The following PTOV1 variants were observed in gnomAD, a reference collection of about 807,000 sequenced individuals.
PTOV1 encodes PTOV1 extended AT-hook containing adaptor protein.
In PTOV1, 20 loss-of-function variants were observed where a neutral mutation model predicts 58.0. The observed-to-expected ratio is 0.34, with a 90% CI of 0.24 to 0.50. The LOEUF is 0.50. Among genes scored for constraint, PTOV1 ranks in the 20% least tolerant of loss-of-function variants. The probability of loss-of-function intolerance (pLI) is 0.98; values close to 1 mark genes in which losing one functional copy is unlikely to be tolerated. For synonymous variants in PTOV1, 335 were observed against 234.2 expected, an observed-to-expected ratio of 1.43 and a Z score of -3.93; for missense variants, 593 against 565.4, an observed-to-expected ratio of 1.05 and a Z score of -0.50.
chr19:49,851,853 C>A, intron 1 of PTOV1: 1 of 990,194 alleles, frequency 1.0e-6, no homozygotes, highest in Non-Finnish European at 1.2e-6. Flanking sequence ...GGGCAGGAAA[C>A]CTGGAAATGG....
chr19:49,851,041 GACCGCCGAGCCC>G (rs2074219233), upstream of PTOV1: 1 of 1,516,032 alleles, frequency 6.6e-7, no homozygotes, highest in Admixed American at 2.0e-5. Context: ...AGGCCCGCAG[GACCGCCGAGCCC>G]ACACTCCGCT....
At chr19:49,860,349 C>T in exon 12 of PTOV1, 2 of 1,565,964 alleles carry the variant, frequency 1.3e-6, no homozygotes, top group Non-Finnish European at 1.7e-6. Flanking sequence ...GAGTGGTGAC[C>T]CTGTCATGTA....
chr19:49,853,286 C>CG (rs1491290156), intron 1 of PTOV1: 1 of 152,206 alleles, frequency 6.6e-6, no homozygotes, highest in Admixed American at 6.5e-5. Context: ...TACGGGGAAA[C>CG]TCTCGTGGGT....
At chr19:49,854,246 G>T (rs2074366663) in intron 1 of PTOV1, among the ~76,000 whole-genome samples, 160 bp from the exon 2 acceptor site, 1 of 152,154 alleles carries the variant, frequency 6.6e-6, no homozygotes, top group Admixed American at 6.5e-5. Context: ...AGCGTGTGGG[G>T]GTCCTGAGGG....
chr19:49,855,906 G>A (rs571953936), intron 5 of PTOV1, among the ~76,000 whole-genome samples: 1 of 152,242 alleles, frequency 6.6e-6, no homozygotes, highest in East Asian at 1.9e-4. Flanking sequence ...TCAGAAAGGG[G>A]GCTTGGGCTG....
At position 49,854,726 on chromosome 19, in the gene PTOV1, C is replaced by T. The variant is rs149977568; in HGVS notation, c.384C>T (p.Gly128=). The T allele has an allele frequency of 1.9e-6, 3 of 1,613,500 alleles. No homozygotes were observed. Among genetic ancestry groups the T allele is most frequent in the Non-Finnish European group, 2.5e-6 (3 of 1,179,960 alleles). ...CCTGCCAAGCCTACGTGAACCAAGGCGAGAACCTGTGAGTGCCGGGGCGTG... is the reference window on the plus strand; with the variant it reads ...CCTGCCAAGCCTACGTGAACCAAGGTGAGAACCTGTGAGTGCCGGGGCGTG... Residue 128 remains glycine (G), a synonymous_variant, in exon 3 of 12, where the codon GGC becomes GGT. Coordinates refer to ENST00000391842, the Ensembl canonical transcript of PTOV1.
chr19:49,857,053 A>G (rs748869823), exon 6 of PTOV1: 3 of 1,613,936 alleles, frequency 1.9e-6, no homozygotes, highest in African/African-American at 1.3e-5. Context: ...CAAGAAGAAG[A>G]TCTTCATGGG....
intron 7 of PTOV1, 27 bp downstream of exon 7, chr19:49,857,809 G>C (rs1415977706): frequency 6.2e-7 from 1 of 1,613,480 alleles, no homozygotes; most frequent in Admixed American, 1.7e-5. Context: ...CCAGGGACTT[G>C]GGACCCCCAG....
Position 49,858,117 on chromosome 19 carries a change from G to A in PTOV1, c.936+3G>A, listed in dbSNP as rs772817837. On this transcript the variant is annotated splice_donor_region_variant and intron_variant, in intron 9 of 11. Transcript: ENST00000391842. Reference sequence around the variant, plus strand: ...AGCTCATCCCGCAGCAGCTGCTGGTGAGGGGCTGGGGCCGGGTGCTGGAGC... The same window carrying A: ...AGCTCATCCCGCAGCAGCTGCTGGTAAGGGGCTGGGGCCGGGTGCTGGAGC... 2 of 1,613,056 alleles carry A rather than the reference G, an allele frequency of 1.2e-6. No homozygotes were observed. The highest frequency in any genetic ancestry group is 1.1e-5 in the South Asian group (1 of 91,052).
At chr19:49,853,328 C>T (rs1041437889) in intron 1 of PTOV1, 9 of 152,082 alleles carry the variant, frequency 5.9e-5, no homozygotes, top group African/African-American at 2.2e-4. Context: ...CGGAGCTTTC[C>T]CTTGTTTGCT....
At chr19:49,860,631 AG>A (rs1278441819) in exon 12 of PTOV1, 2 of 460,102 alleles carry the variant, frequency 4.3e-6, no homozygotes, top group African/African-American at 3.9e-5. Flanking sequence ...GCTTCTGAGC[AG>A]GGGCCCCTGG....
chr19:49,860,466 C>A, exon 12 of PTOV1: 1 of 918,520 alleles, frequency 1.1e-6, no homozygotes, highest in Non-Finnish European at 1.6e-6. Context: ...TCCCAGCGGT[C>A]CTAGGCTGTC....
chr19:49,852,097 C>T (rs1032855307), intron 1 of PTOV1: 2 of 982,338 alleles, frequency 2.0e-6, no homozygotes, highest in Middle Eastern at 5.2e-4. Flanking sequence ...CTTCTCCGGA[C>T]CCAAAAGATG....
chr19:49,855,112 G>A (rs2074406216), intron 5 of PTOV1, 35 bp downstream of exon 5: 1 of 1,529,388 alleles, frequency 6.5e-7, no homozygotes, highest in African/African-American at 1.4e-5. Context: ...GCACTGTGGT[G>A]ACAAGTACAG....
chr19:49,852,250 G>A, intron 1 of PTOV1: 1 of 207,268 alleles, frequency 4.8e-6, no homozygotes, highest in African/African-American at 2.4e-5. Flanking sequence ...CTGCCTCAGC[G>A]GTGTGGATGG....
Position 49,853,517 on chromosome 19 carries a change from T to C in PTOV1, c.172-889T>C, listed in dbSNP as rs759683093. On this transcript the variant is annotated intron_variant, in intron 1 of 11. Coordinates refer to ENST00000391842, the Ensembl canonical transcript of PTOV1. ...CTAAAAAAAAAAAAAAAAAAAAAAT[T>C]AGCCGGGCATGATGGCGCGGCTTGC... 5.5e-5 allele frequency among the ~76,000 whole-genome samples: 8 copies of C among 144,560 alleles called. No homozygotes were observed. The East Asian group carries it at 8.1e-4, about 15-fold the overall frequency. 94.8% of individuals were successfully genotyped at this position (144,560 alleles called of 152,430 possible).
At chr19:49,855,172 C>A in intron 5 of PTOV1, 95 bp downstream of exon 5, 1 of 1,248,650 alleles carries the variant, frequency 8.0e-7, no homozygotes, top group South Asian at 1.3e-5. Flanking sequence ...CGGGGGGTCT[C>A]CCCTGGGGCC....
rs777943378 is a variant in PTOV1 at position 49,860,229 on chromosome 19, G to A, written c.1240-39G>A. 53 of 1,613,454 alleles carry A rather than the reference G, an allele frequency of 3.3e-5. No individual in the cohort carries two copies. The East Asian group carries it at 8.0e-4, about 24-fold the overall frequency. ...GGCTGCTCAGTCTCCCTCCACCCCC[G>A]CTGCCTGCTCACCACTGGCCTCTGA... On this transcript the variant is annotated intron_variant, in intron 11 of 11. Transcript: ENST00000391842.
intron 5 of PTOV1, chr19:49,856,701 G>T (rs1394760421): frequency 1.2e-5 from 5 of 430,020 alleles, no homozygotes; most frequent in African/African-American, 8.1e-5. Flanking sequence ...GGCGGCAGGG[G>T]GTGATGTGGG....
Sources: allele counts gnomAD v4.1 joint callset (sites outside exome capture counted in the v4.1 genomes callset), GRCh38; gene constraint gnomAD v4.1.1; transcripts MANE v1.5; gene names NCBI Gene and HGNC (gene_info 2026-07-23, HGNC 2026-07-21).